The following ADAMTS17 variants were observed in gnomAD, a reference collection of about 807,000 sequenced individuals.
ADAMTS17 encodes the protein A disintegrin and metalloproteinase with thrombospondin motifs 17.
ADAMTS17 carries 113 observed loss-of-function variants against 141.5 expected under a neutral mutation model. The observed-to-expected ratio is 0.80, with a 90% CI of 0.69 to 0.93. The LOEUF (loss-of-function observed/expected upper bound fraction) is 0.93. Among genes scored for constraint, ADAMTS17 ranks in the 40% least tolerant of loss-of-function variants. The pLI, the probability that ADAMTS17 is intolerant of heterozygous loss-of-function variation, is 0.00. For synonymous variants in ADAMTS17, 768 were observed against 630.6 expected, an observed-to-expected ratio of 1.22 and a Z score of -3.27; for missense variants, 1,659 against 1,517.9, an observed-to-expected ratio of 1.09 and a Z score of -1.54.
chr15:100,108,164 C>T (rs1174617129), intron 14 of ADAMTS17, among the ~76,000 whole-genome samples: 1 of 151,662 alleles, frequency 6.6e-6, no homozygotes, highest in Admixed American at 6.6e-5. Context: ...CTTCCTTCTT[C>T]TCGCATTCCT....
At chr15:100,334,452 G>T (rs2046147303) in intron 2 of ADAMTS17, among the ~76,000 whole-genome samples, 1 of 152,184 alleles carries the variant, frequency 6.6e-6, no homozygotes, top group African/African-American at 2.4e-5. Flanking sequence ...AGAGGATAGG[G>T]CCAACGGGGT....
At chr15:100,225,734 G>C (rs1226516056) in intron 7 of ADAMTS17, among the ~76,000 whole-genome samples, 4 of 144,246 alleles carry the variant, frequency 2.8e-5, no homozygotes, top group African/African-American at 1.1e-4. Context: ...TGGTCTCTGT[G>C]CCATTCAGTC....
chr15:100,061,052 C>T lies in ADAMTS17; in HGVS notation c.2138-6998G>A, dbSNP rs572955783. Among the ~76,000 whole-genome samples the T allele has an allele frequency of 5.3e-5, 8 of 152,324 alleles. No homozygotes were observed. In the South Asian group the frequency reaches 1.4e-3, roughly 28 times the overall value. ...GCAGGAAGCCGGCTCCAACCTCCCA[C>T]GGAGGCCCACTGCTTCTGGAGAGCT... On this transcript the variant is annotated intron_variant, in intron 15 of 21. Transcript: ENST00000268070.
At chr15:100,255,798 T>C (rs1316093465) in intron 6 of ADAMTS17, among the ~76,000 whole-genome samples, 3 of 152,188 alleles carry the variant, frequency 2.0e-5, no homozygotes, top group Admixed American at 2.0e-4. Context: ...AGGCGCCATT[T>C]TGCAGAGAGC....
At chr15:100,298,155 G>A (rs1041511830) in intron 3 of ADAMTS17, among the ~76,000 whole-genome samples, 1 of 152,126 alleles carries the variant, frequency 6.6e-6, no homozygotes. Context: ...AGAAGTCTGG[G>A]GAGGAGAGAG....
At chr15:100,171,202 T>G (rs2040147337) in intron 8 of ADAMTS17, among the ~76,000 whole-genome samples, 1 of 152,196 alleles carries the variant, frequency 6.6e-6, no homozygotes, top group African/African-American at 2.4e-5. Flanking sequence ...CTCCCAGGGA[T>G]GTCCGATGGG....
intron 7 of ADAMTS17, among the ~76,000 whole-genome samples, chr15:100,238,887 C>A (rs1380910841): frequency 3.3e-5 from 5 of 152,160 alleles, no homozygotes; most frequent in Non-Finnish European, 7.4e-5. Flanking sequence ...GAGTTCAAGA[C>A]CAGCCTGGCC....
intron 12 of ADAMTS17, among the ~76,000 whole-genome samples, chr15:100,119,911 G>C (rs969721566): frequency 6.6e-6 from 1 of 152,148 alleles, no homozygotes; most frequent in African/African-American, 2.4e-5. Flanking sequence ...TCCACATCTT[G>C]TTTGGGTATC....
intron 4 of ADAMTS17, among the ~76,000 whole-genome samples, chr15:100,262,824 A>AAATTC (rs1473882650): frequency 6.6e-6 from 1 of 151,872 alleles, no homozygotes; most frequent in African/African-American, 2.4e-5. Flanking sequence ...TAATTATGTG[A>AAATTC]AATTCAAATG....
At chr15:100,294,382 A>G (rs1243686035) in intron 3 of ADAMTS17, among the ~76,000 whole-genome samples, 1 of 152,156 alleles carries the variant, frequency 6.6e-6, no homozygotes, top group Non-Finnish European at 1.5e-5. Flanking sequence ...GGCATGAAAT[A>G]ACTTCTCTCC....
In ADAMTS17 at chr15:99,993,828, G is replaced by A. The variant is rs997184145; in HGVS notation, c.2797-628C>T. On this transcript the variant is annotated intron_variant, in intron 19 of 21. Transcript: ENST00000268070. The surrounding 1 kb of genome is among the most constrained non-coding windows in gnomAD (Gnocchi z 4.3). The stretch of plus-strand genomic sequence containing the variant: ...ATGGTGACAGACGCATGGCCCCTGT[G>A]GTAGTTTACTTACTTGCAGGAGACC... Among the ~76,000 whole-genome samples the A allele has an allele frequency of 2.0e-5, 3 of 152,156 alleles. No homozygotes were observed. Among genetic ancestry groups the A allele is most frequent in the African/African-American group, 7.2e-5 (3 of 41,414 alleles).
Position 99,976,088 on chromosome 15 carries a change from G to A in ADAMTS17, c.3084C>T (p.Cys1028=). Residue 1028 remains cysteine, a synonymous_variant, in exon 21 of 22, where the codon TGC becomes TGT. Coordinates refer to ENST00000268070, the MANE Select transcript of ADAMTS17 (RefSeq NM_139057.4). ...APYRQCYQEV[C]NDRINANTIT... ...TGGTGTTGGCGTTGATCCTGTCGTTGCAGACCTCCTGGTAGCACTGTCTGT... is the reference window on the plus strand; with the variant it reads ...TGGTGTTGGCGTTGATCCTGTCGTTACAGACCTCCTGGTAGCACTGTCTGT... The A allele has an allele frequency of 1.3e-6, 2 of 1,551,742 alleles. No homozygotes were observed. The highest frequency in any genetic ancestry group is 1.7e-6 in the Non-Finnish European group (2 of 1,147,008).
At chr15:100,201,338 C>A (rs569199647) in intron 7 of ADAMTS17, among the ~76,000 whole-genome samples, 2 of 151,998 alleles carry the variant, frequency 1.3e-5, no homozygotes, top group South Asian at 2.1e-4. Context: ...TCCCCTCCCC[C>A]CTCTCTCCTG....
intron 8 of ADAMTS17, among the ~76,000 whole-genome samples, chr15:100,184,174 G>T (rs1190092358): frequency 1.3e-5 from 2 of 152,194 alleles, no homozygotes; most frequent in Non-Finnish European, 2.9e-5. Context: ...TATGAAGCAG[G>T]TCTCAGGCTC....
intron 15 of ADAMTS17, among the ~76,000 whole-genome samples, chr15:100,063,093 CAT>C (rs1428331643): frequency 6.6e-6 from 1 of 152,224 alleles, no homozygotes; most frequent in Non-Finnish European, 1.5e-5. Context: ...TTTGCTCCTG[CAT>C]AGTTAGGAAA....
At chr15:100,240,068 C>T (rs73480011) in intron 7 of ADAMTS17, among the ~76,000 whole-genome samples, 3,621 of 152,278 alleles carry the variant, frequency 0.024, 150 homozygotes, top group African/African-American at 0.083. Context: ...TCCACGTGTA[C>T]CGGGATCAGC....
At chr15:100,340,275 C>G (rs1372893279) in intron 2 of ADAMTS17, among the ~76,000 whole-genome samples, 1 of 152,188 alleles carries the variant, frequency 6.6e-6, no homozygotes, top group East Asian at 1.9e-4. Context: ...CCCCCTCCCC[C>G]TGGGAGCACC....
chr15:100,330,277 C>T (rs571082789), intron 3 of ADAMTS17, among the ~76,000 whole-genome samples: 1 of 152,330 alleles, frequency 6.6e-6, no homozygotes, highest in East Asian at 1.9e-4. Flanking sequence ...CAGGCCAGTG[C>T]ATGGCAAGTT....
At chr15:100,061,427 C>A (rs1211107543) in intron 15 of ADAMTS17, among the ~76,000 whole-genome samples, 1 of 152,108 alleles carries the variant, frequency 6.6e-6, no homozygotes, top group Non-Finnish European at 1.5e-5. Context: ...ATCGCGGATG[C>A]TATTGTTCTT....
Sources: gnomAD v4.1 joint callset for allele counts (sites outside exome capture counted in the v4.1 genomes callset) on GRCh38, gnomAD v4.1.1 for gene constraint, Gnocchi (gnomAD v3.1) non-coding constraint, MANE v1.5 for transcripts, NCBI Gene and HGNC (gene_info 2026-07-23, HGNC 2026-07-21) for gene names.